Variants in PHACTR1 observed in about 807,000 individuals in gnomAD.
PHACTR1 encodes the protein phosphatase and actin regulator 1, also known as RPEL repeat containing 1.
Under a neutral mutation model 69.2 loss-of-function variants are expected in PHACTR1, and 16 were observed. The observed-to-expected ratio is 0.23, with a 90% CI of 0.16 to 0.35. PHACTR1 has a LOEUF of 0.35. Ranked by LOEUF, PHACTR1 falls within the 10% of genes least tolerant of loss-of-function variation. The pLI is 1.00. For synonymous variants in PHACTR1, 312 were observed against 284.5 expected (o/e 1.10, Z -0.97); for missense variants, 510 against 734.7 (o/e 0.69, Z 3.54).
intron 5 of PHACTR1, among the ~76,000 whole-genome samples, chr6:13,081,271 T>A (rs1455033272): frequency 6.6e-6 from 1 of 152,200 alleles, no homozygotes; most frequent in African/African-American, 2.4e-5. Context: ...AGTTTCCTCA[T>A]GCGTGAAGTG....
chr6:12,996,075 A>G (rs1020137289), intron 4 of PHACTR1, among the ~76,000 whole-genome samples: 1 of 152,176 alleles, frequency 6.6e-6, no homozygotes, highest in Non-Finnish European at 1.5e-5. Flanking sequence ...TGCAAATAGT[A>G]CTTTGAGGGA....
chr6:12,757,556 G>A (rs939075045), intron 4 of PHACTR1, among the ~76,000 whole-genome samples: 12 of 152,114 alleles, frequency 7.9e-5, no homozygotes, highest in East Asian at 5.8e-4. Flanking sequence ...GGCTATGAAC[G>A]GTGGTGGCTC....
At chr6:13,016,636 T>G (rs975184922) in intron 4 of PHACTR1, among the ~76,000 whole-genome samples, 9 of 152,192 alleles carry the variant, frequency 5.9e-5, no homozygotes, top group African/African-American at 1.9e-4. Context: ...TCAAGAGTTT[T>G]TTTTTTTTTT....
intron 4 of PHACTR1, among the ~76,000 whole-genome samples, chr6:12,963,670 A>G (rs1294192075): frequency 1.3e-5 from 2 of 152,332 alleles, no homozygotes; most frequent in Admixed American, 6.5e-5. Flanking sequence ...AACATACTCA[A>G]TCATGAGTAG....
intron 4 of PHACTR1, among the ~76,000 whole-genome samples, chr6:12,834,944 A>G (rs780534719): frequency 6.6e-6 from 1 of 152,168 alleles, no homozygotes; most frequent in Non-Finnish European, 1.5e-5. Flanking sequence ...CCCTCTTCGT[A>G]AAAATGTATG....
At chr6:12,747,891 G>A (rs1197597554) in intron 3 of PHACTR1, among the ~76,000 whole-genome samples, 1 of 152,148 alleles carries the variant, frequency 6.6e-6, no homozygotes, top group Non-Finnish European at 1.5e-5. Flanking sequence ...GGCTCTTAAT[G>A]CCAGCATAAG....
intron 4 of PHACTR1, among the ~76,000 whole-genome samples, chr6:12,974,927 G>A (rs933089477): frequency 1.4e-4 from 22 of 152,312 alleles, no homozygotes; most frequent in African/African-American, 5.3e-4. Context: ...AGAAATTGGG[G>A]TATGTATTCA....
intron 3 of PHACTR1, among the ~76,000 whole-genome samples, chr6:12,723,984 C>A (rs1229663098): frequency 6.6e-6 from 1 of 152,180 alleles, no homozygotes; most frequent in Non-Finnish European, 1.5e-5. Flanking sequence ...CTATCTAGGT[C>A]TTCCACTTTA....
chr6:13,218,783 G>T (rs1382063716), intron 8 of PHACTR1, among the ~76,000 whole-genome samples: 1 of 150,978 alleles, frequency 6.6e-6, no homozygotes, highest in Non-Finnish European at 1.5e-5. Context: ...AAAAGAAGAA[G>T]AAGAAGAAGG....
At chr6:12,773,447 G>T (rs1407285810) in intron 4 of PHACTR1, among the ~76,000 whole-genome samples, 2 of 152,108 alleles carry the variant, frequency 1.3e-5, no homozygotes, top group Non-Finnish European at 1.5e-5. Flanking sequence ...ATTCACTAGT[G>T]TATTTTTCAG....
chr6:13,268,282 G>C (rs892655510), intron 10 of PHACTR1, among the ~76,000 whole-genome samples: 4 of 152,128 alleles, frequency 2.6e-5, no homozygotes, highest in Admixed American at 1.3e-4. Context: ...AGAGAAAAAA[G>C]TGTAACCTCT....
intron 4 of PHACTR1, among the ~76,000 whole-genome samples, chr6:12,784,364 A>G (rs1401936354): frequency 6.6e-6 from 1 of 151,948 alleles, no homozygotes; most frequent in African/African-American, 2.4e-5. Context: ...ATATATATCT[A>G]TACAGACTCA....
chr6:13,059,847 T>C (rs918024013), intron 5 of PHACTR1, among the ~76,000 whole-genome samples: 2 of 151,990 alleles, frequency 1.3e-5, no homozygotes, highest in Non-Finnish European at 1.5e-5. Flanking sequence ...ATATGTGGAA[T>C]GAAAAAGAGA....
chr6:12,974,595 T>C (rs1158442310), intron 4 of PHACTR1, among the ~76,000 whole-genome samples: 2 of 152,150 alleles, frequency 1.3e-5, no homozygotes, highest in Admixed American at 1.3e-4. Flanking sequence ...AAAAATCAAT[T>C]CACCAACATT....
intron 4 of PHACTR1, among the ~76,000 whole-genome samples, chr6:12,774,593 C>T (rs1375210273): frequency 6.6e-6 from 1 of 152,102 alleles, no homozygotes; most frequent in Non-Finnish European, 1.5e-5. Flanking sequence ...AGGGTTTCAC[C>T]ATGTTGGCCA....
intron 4 of PHACTR1, among the ~76,000 whole-genome samples, chr6:12,873,008 T>C (rs1782198981): frequency 6.6e-6 from 1 of 151,810 alleles, no homozygotes; most frequent in Non-Finnish European, 1.5e-5. Flanking sequence ...CCTTCCTTCC[T>C]TTTTCTTTCT....
chr6:13,223,657 T>G (rs1380188485), intron 8 of PHACTR1, among the ~76,000 whole-genome samples: 1 of 152,162 alleles, frequency 6.6e-6, no homozygotes, highest in African/African-American at 2.4e-5. Flanking sequence ...TGTAATACAG[T>G]AGGTTCAAAT....
At chr6:12,826,500 G>C (rs750274565) in intron 4 of PHACTR1, among the ~76,000 whole-genome samples, 4 of 152,162 alleles carry the variant, frequency 2.6e-5, no homozygotes, top group Non-Finnish European at 4.4e-5. Context: ...TCTCCATGGG[G>C]AAATAGCTGT....
intron 4 of PHACTR1, among the ~76,000 whole-genome samples, chr6:12,776,166 G>A (rs1224196849): frequency 1.3e-5 from 2 of 152,058 alleles, no homozygotes; most frequent in African/African-American, 4.8e-5. Context: ...GCTTTAAATG[G>A]GATATTTTTA....
Sources: allele counts gnomAD v4.1 joint callset (sites outside exome capture counted in the v4.1 genomes callset), GRCh38; gene constraint gnomAD v4.1.1; transcripts MANE v1.5; gene names NCBI Gene and HGNC (gene_info 2026-07-23, HGNC 2026-07-21).